Variants in STK3 observed in about 807,000 individuals in gnomAD.
STK3 encodes serine/threonine kinase 3.
In STK3, 41 loss-of-function variants were observed where a neutral mutation model predicts 58.0. The observed-to-expected ratio is 0.71, with a 90% CI of 0.55 to 0.92. The LOEUF is 0.92. Ranked by LOEUF, STK3 falls within the 40% of genes least tolerant of loss-of-function variation. STK3 has a pLI of 0.00. For synonymous variants in STK3, 170 were observed against 191.0 expected (o/e 0.89, Z 0.91); for missense variants, 479 against 602.7 (o/e 0.79, Z 2.15).
rs553124424 is a variant in STK3, at chr8:98,495,607, T to G, written c.1317+31135A>C. Among the ~76,000 whole-genome samples the G allele has an allele frequency of 2.0e-5, 3 of 152,316 alleles. No individual in the cohort carries two copies. In the South Asian group the frequency reaches 6.2e-4, roughly 32 times the overall value. On this transcript the variant is annotated intron_variant, in intron 10 of 10. Coordinates refer to ENST00000419617, the MANE Select transcript of STK3 (RefSeq NM_006281.4). ...TGGTCTAATTACATAAAACAAAACA[T>G]CATTTAAACAAAAGGTGGCCTTGAA...
At chr8:98,914,492 A>ACACACACT (rs1554701657) in intron 1 of STK3, among the ~76,000 whole-genome samples, 1 of 136,378 alleles carries the variant, frequency 7.3e-6, no homozygotes, top group Non-Finnish European at 1.7e-5. Context: ...ACACACACAC[A>ACACACACT]CTCTCTCTCT....
chr8:98,808,862 T>G (rs965942497), intron 1 of STK3, among the ~76,000 whole-genome samples: 1 of 152,182 alleles, frequency 6.6e-6, no homozygotes, highest in Non-Finnish European at 1.5e-5. Context: ...GTAGGGAAGC[T>G]GGTCACCCAA....
At chr8:98,896,498 C>A (rs531710885) in intron 1 of STK3, among the ~76,000 whole-genome samples, 2 of 152,322 alleles carry the variant, frequency 1.3e-5, no homozygotes, top group South Asian at 4.1e-4. Flanking sequence ...TAGAGTTCAA[C>A]TGGTGCCTTC....
intron 10 of STK3, among the ~76,000 whole-genome samples, chr8:98,502,939 C>T (rs962717311): frequency 1.3e-5 from 2 of 152,110 alleles, no homozygotes; most frequent in Non-Finnish European, 2.9e-5. Flanking sequence ...CGGAGAATTC[C>T]CTCTTTTTCT....
chr8:98,617,542 T>C (rs1383287170), intron 6 of STK3, among the ~76,000 whole-genome samples: 5 of 149,876 alleles, frequency 3.3e-5, no homozygotes, highest in African/African-American at 1.2e-4. Context: ...TTTGAAAGGA[T>C]CAACAAAATT....
intron 9 of STK3, among the ~76,000 whole-genome samples, chr8:98,547,277 A>G (rs1003146041): frequency 2.6e-5 from 4 of 152,196 alleles, no homozygotes; most frequent in African/African-American, 9.7e-5. Flanking sequence ...TATAACTGTG[A>G]AATCACAATG....
chr8:98,498,067 A>G (rs891650865), intron 10 of STK3, among the ~76,000 whole-genome samples: 2 of 152,146 alleles, frequency 1.3e-5, no homozygotes, highest in Non-Finnish European at 2.9e-5. Context: ...ATAGTATTCC[A>G]TATTATGTAT....
downstream of STK3, among the ~76,000 whole-genome samples, chr8:98,370,047 T>C (rs996601498): frequency 2.6e-5 from 4 of 151,346 alleles, no homozygotes; most frequent in Admixed American, 6.6e-5. Context: ...AGGGGTGGGA[T>C]GGATGGGGCC....
chr8:98,367,380 A>C (rs978548798), downstream of STK3, among the ~76,000 whole-genome samples: 1 of 152,204 alleles, frequency 6.6e-6, no homozygotes, highest in Non-Finnish European at 1.5e-5. Context: ...TAATCTTTGG[A>C]TCGCTCCCCC....
intron 6 of STK3, among the ~76,000 whole-genome samples, chr8:98,647,375 T>C (rs1185929748): frequency 2.6e-5 from 4 of 152,232 alleles, no homozygotes; most frequent in Non-Finnish European, 5.9e-5. Context: ...TCATATTCTA[T>C]ATAAATTACT....
At chr8:98,430,463 C>A (rs1179683879) in intron 3 of STK3, 3 of 167,084 alleles carry the variant, frequency 1.8e-5, no homozygotes, top group African/African-American at 7.2e-5. Flanking sequence ...CTAGCAAGGG[C>A]AGTAGCTTAA....
chr8:98,345,878 G>A, the STK3 span, among the ~76,000 whole-genome samples: 1 of 152,066 alleles, frequency 6.6e-6, no homozygotes, highest in East Asian at 1.9e-4. Flanking sequence ...TACACTGGAT[G>A]GAACTGATGG....
chr8:98,746,764 A>G (rs1013561713), intron 4 of STK3, among the ~76,000 whole-genome samples: 3 of 152,222 alleles, frequency 2.0e-5, no homozygotes, highest in Admixed American at 2.0e-4. Flanking sequence ...AGGGTCAGAC[A>G]TGGTGGCTCA....
At chr8:98,351,961 C>G in the STK3 span, among the ~76,000 whole-genome samples, 7 of 151,942 alleles carry the variant, frequency 4.6e-5, no homozygotes, top group Admixed American at 3.3e-4. Flanking sequence ...AGATCGAGAC[C>G]ATCCTGGCTA....
At chr8:98,741,501 T>C (rs542949350) in intron 4 of STK3, among the ~76,000 whole-genome samples, 1 of 152,242 alleles carries the variant, frequency 6.6e-6, no homozygotes, top group South Asian at 2.1e-4. Context: ...GACTACTGGG[T>C]ACATAATGAA....
In STK3 at chr8:98,703,398, C is replaced by CA. The variant is rs201578845; in HGVS notation, c.684+3068dup. Among the ~76,000 whole-genome samples, 1,314 of 151,064 alleles carry CA rather than the reference C, an allele frequency of 8.7e-3. 13 individuals are homozygous for CA. The highest frequency in any genetic ancestry group is 0.011 in the Non-Finnish European group (757 of 67,670). Reference sequence around the variant, plus strand: ...TTTATTTCACAAAATTACTACAGTACAAAAAAAAATGTTGGTAAAAAACTT... The same window carrying CA: ...TTTATTTCACAAAATTACTACAGTACAAAAAAAAAATGTTGGTAAAAAACTT... On this transcript the variant is annotated intron_variant, in intron 6 of 10. Coordinates refer to ENST00000419617, the MANE Select transcript of STK3 (RefSeq NM_006281.4).
intron 7 of STK3, among the ~76,000 whole-genome samples, chr8:98,590,030 C>T (rs1201771307): frequency 2.6e-5 from 4 of 152,182 alleles, no homozygotes; most frequent in African/African-American, 4.8e-5. Context: ...CCGGGTACCT[C>T]AGATGGAAAT....
intron 3 of STK3, chr8:98,430,129 T>C (rs1818308041): frequency 6.0e-6 from 1 of 167,044 alleles, no homozygotes; most frequent in Non-Finnish European, 1.5e-5. Flanking sequence ...GATCGAATTT[T>C]TTTCCCAAGA....
At chr8:98,695,832 G>C (rs1824865683) in intron 6 of STK3, among the ~76,000 whole-genome samples, 1 of 152,188 alleles carries the variant, frequency 6.6e-6, no homozygotes, top group South Asian at 2.1e-4. Flanking sequence ...GGTTAGGATT[G>C]ACTCGGCAAT....
Sources: gnomAD v4.1 joint callset for allele counts (sites outside exome capture counted in the v4.1 genomes callset) on GRCh38, gnomAD v4.1.1 for gene constraint, MANE v1.5 for transcripts, NCBI Gene and HGNC (gene_info 2026-07-23, HGNC 2026-07-21) for gene names.